The following LARP4B variants were observed in gnomAD, a reference collection of about 807,000 sequenced individuals.
The protein encoded by LARP4B is La ribonucleoprotein 4B.
In LARP4B, 12 loss-of-function variants were observed where a neutral mutation model predicts 89.8. The observed-to-expected ratio is 0.13, with a 90% CI of 0.09 to 0.22. LARP4B has a LOEUF of 0.22. Ranked by LOEUF, LARP4B falls within the 10% of genes least tolerant of loss-of-function variation. LARP4B has a pLI of 1.00. For synonymous variants in LARP4B, 367 were observed against 363.3 expected (o/e 1.01, Z -0.12); for missense variants, 757 against 947.7 (o/e 0.80, Z 2.64).
At chr10:816,796 A>G (rs1832085008) in intron 15 of LARP4B, among the ~76,000 whole-genome samples, 2 of 152,214 alleles carry the variant, frequency 1.3e-5, no homozygotes, top group Non-Finnish European at 2.9e-5. Context: ...TAGACACGTC[A>G]CCTGGCTTTC....
chr10:900,190 T>G (rs1049858941), intron 1 of LARP4B, among the ~76,000 whole-genome samples: 1 of 151,746 alleles, frequency 6.6e-6, no homozygotes, highest in Non-Finnish European at 1.5e-5. Flanking sequence ...TCCTAAAAAA[T>G]ACAAAACTTA....
intron 5 of LARP4B, among the ~76,000 whole-genome samples, chr10:853,957 A>G (rs1834178594): frequency 6.6e-6 from 1 of 152,242 alleles, no homozygotes; most frequent in Non-Finnish European, 1.5e-5. Flanking sequence ...TTTCAAAATT[A>G]GTCAATCCTC....
chr10:817,076 T>C (rs1303722927), intron 15 of LARP4B, among the ~76,000 whole-genome samples: 2 of 152,156 alleles, frequency 1.3e-5, no homozygotes, highest in African/African-American at 4.8e-5. Context: ...CTATGCACAG[T>C]AGGTAACTGG....
chr10:821,062 C>A, intron 13 of LARP4B: 1 of 562,106 alleles, frequency 1.8e-6, no homozygotes, highest in Non-Finnish European at 3.2e-6. Flanking sequence ...GAAGTCCAGG[C>A]AAGTGATAAA....
At chr10:973,721 A>C in the LARP4B span, among the ~76,000 whole-genome samples, 1 of 152,088 alleles carries the variant, frequency 6.6e-6, no homozygotes, top group African/African-American at 2.4e-5. Context: ...TAAATTTTTA[A>C]CCATACAGTA....
chr10:947,698 C>T, the LARP4B span, among the ~76,000 whole-genome samples: 51 of 152,150 alleles, frequency 3.4e-4, no homozygotes, highest in Non-Finnish European at 5.7e-4. Context: ...CTCGGCTCAC[C>T]GCAACCTCCG....
the LARP4B span, among the ~76,000 whole-genome samples, chr10:948,800 G>A: frequency 6.6e-6 from 1 of 152,330 alleles, no homozygotes; most frequent in South Asian, 2.1e-4. Flanking sequence ...CACTCTGAAG[G>A]TTTGTTCAGG....
At chr10:893,693 C>T (rs187819734) in intron 1 of LARP4B, among the ~76,000 whole-genome samples, 2 of 152,286 alleles carry the variant, frequency 1.3e-5, no homozygotes, top group East Asian at 1.9e-4. Flanking sequence ...TTGAGATGAG[C>T]CTGGGACATC....
At chr10:857,406 G>C (rs997500058) in intron 5 of LARP4B, among the ~76,000 whole-genome samples, 1 of 152,164 alleles carries the variant, frequency 6.6e-6, no homozygotes, top group Admixed American at 6.5e-5. Flanking sequence ...CATGGATGAG[G>C]ATCTATCAAC....
At chr10:877,769 G>C (rs985988360) in intron 3 of LARP4B, among the ~76,000 whole-genome samples, 6 of 152,144 alleles carry the variant, frequency 3.9e-5, no homozygotes, top group African/African-American at 1.4e-4. Flanking sequence ...TTTTACACTG[G>C]AGACATTTAT....
chr10:899,987 T>C (rs1564437039), intron 1 of LARP4B, among the ~76,000 whole-genome samples: 1 of 152,074 alleles, frequency 6.6e-6, no homozygotes, highest in Non-Finnish European at 1.5e-5. Context: ...TTTGATCCCT[T>C]TGAAGCTACA....
rs1197599357 is a variant in LARP4B at position 810,705 on chromosome 10, C to G, written c.*2221G>C. On this transcript the variant is annotated 3_prime_UTR_variant, in exon 18 of 18. Transcript: ENST00000316157. ...TGGCCCTTCCGTAGCGAAGATGCAG[C>G]TCGTAGGCCCAGGCCTCGAGGTTGC... 2 of 152,156 alleles carry G rather than the reference C, an allele frequency of 1.3e-5. No homozygotes were observed. Among genetic ancestry groups the G allele is most frequent in the African/African-American group, 4.8e-5 (2 of 41,434 alleles). 9.4% of individuals were successfully genotyped at this position (152,156 alleles called of 1,614,324 possible). A position where few individuals can be genotyped will look rare whatever the true frequency, so the allele number is the denominator to read the frequency against.
chr10:877,192 A>C (rs1404240845), intron 3 of LARP4B, among the ~76,000 whole-genome samples: 6 of 152,192 alleles, frequency 3.9e-5, no homozygotes, highest in Non-Finnish European at 8.8e-5. Flanking sequence ...TAGCCTCGCC[A>C]ACACAGCAAG....
At chr10:832,038 A>T (rs1015748407) in intron 8 of LARP4B, among the ~76,000 whole-genome samples, 16 of 151,408 alleles carry the variant, frequency 1.1e-4, no homozygotes, top group East Asian at 1.9e-4. Flanking sequence ...TTTATTTTTT[A>T]TTTTTTTTTA....
chr10:936,209 A>G (rs76408959), upstream of LARP4B, among the ~76,000 whole-genome samples: 1 of 152,154 alleles, frequency 6.6e-6, no homozygotes, highest in East Asian at 1.9e-4. Flanking sequence ...TGCAGAGATC[A>G]GGGGAGCATC....
In LARP4B at chr10:825,145, T is replaced by A; in HGVS notation, c.1404A>T (p.Ser468=). 1 of 1,614,244 alleles carries A rather than the reference T, an allele frequency of 6.2e-7. No individual in the cohort carries two copies. Among genetic ancestry groups the A allele is most frequent in the Non-Finnish European group, 8.5e-7 (1 of 1,180,048 alleles). The stretch of plus-strand genomic sequence containing the variant: ...GCCCAGCCTCTCTCTTGGCATATGC[T>A]GAAGGGTTTTGAATCCGTGTTCTAG... The part of the protein sequence containing the change: ...GQTRTRIQNP[S]AYAKREAGPG... Residue 468 remains serine, a synonymous_variant, in exon 13 of 18, where the codon TCA becomes TCT. Transcript: ENST00000316157.
At chr10:935,590 A>T (rs1830737968), upstream of LARP4B, among the ~76,000 whole-genome samples, 1 of 152,232 alleles carries the variant, frequency 6.6e-6, no homozygotes, top group South Asian at 2.1e-4. Context: ...TCAAGGGCAG[A>T]GGCAGCGAGG....
chr10:863,925 AT>A, intron 4 of LARP4B, 42 bp from the exon 5 acceptor site: 1 of 1,588,428 alleles, frequency 6.3e-7, no homozygotes, highest in South Asian at 1.2e-5. Flanking sequence ...GGTTAGAAGC[AT>A]AACTTTCTCT....
At chr10:834,032 A>G (rs892113395) in intron 8 of LARP4B, among the ~76,000 whole-genome samples, 3 of 152,222 alleles carry the variant, frequency 2.0e-5, no homozygotes, top group African/African-American at 7.2e-5. Flanking sequence ...TACCATACTA[A>G]TGTCAATCAA....
Sources: allele counts gnomAD v4.1 joint callset (sites outside exome capture counted in the v4.1 genomes callset), GRCh38; gene constraint gnomAD v4.1.1; transcripts MANE v1.5; gene names NCBI Gene and HGNC (gene_info 2026-07-23, HGNC 2026-07-21).